The following VIPR2 variants were observed in gnomAD, a reference collection of about 807,000 sequenced individuals.
VIPR2 encodes vasoactive intestinal peptide receptor 2.
VIPR2 carries 48 observed loss-of-function variants against 58.0 expected under a neutral mutation model. The observed-to-expected ratio is 0.83, with a 90% CI of 0.66 to 1.05. The LOEUF is 1.05. VIPR2 is among the 50% of genes least tolerant of loss of function. The pLI is 0.00. For synonymous variants in VIPR2, 243 were observed against 235.2 expected (o/e 1.03, Z -0.30); for missense variants, 534 against 558.0 (o/e 0.96, Z 0.43).
intron 4 of VIPR2, among the ~76,000 whole-genome samples, chr7:159,094,166 C>T (rs1429047529): frequency 2.6e-5 from 4 of 152,216 alleles, no homozygotes; most frequent in Non-Finnish European, 2.9e-5. Flanking sequence ...GCTCCATCCC[C>T]ATGGGAGCCA....
intron 2 of VIPR2, among the ~76,000 whole-genome samples, chr7:159,130,547 G>A (rs1417857002): frequency 6.6e-6 from 1 of 152,008 alleles, no homozygotes; most frequent in Non-Finnish European, 1.5e-5. Context: ...AGCCCACTGA[G>A]GACCATTTCC....
intron 7 of VIPR2, 100 bp downstream of exon 7, chr7:159,036,652 C>T: frequency 7.0e-7 from 1 of 1,432,014 alleles, no homozygotes; most frequent in Non-Finnish European, 9.4e-7. Context: ...GACATGCATT[C>T]TACGGGGGCG....
chr7:159,062,200 A>G (rs1017745544), intron 4 of VIPR2, among the ~76,000 whole-genome samples: 3 of 152,140 alleles, frequency 2.0e-5, no homozygotes, highest in South Asian at 2.1e-4. Context: ...GGACACCCCG[A>G]AGGGTTCAGC....
chr7:159,140,564 A>C (rs1346538446), intron 2 of VIPR2, among the ~76,000 whole-genome samples: 1 of 152,222 alleles, frequency 6.6e-6, no homozygotes, highest in Admixed American at 6.5e-5. Context: ...TCAGATACAG[A>C]TATTTTTCCT....
chr7:159,073,713 C>CT (rs369971413), intron 4 of VIPR2, among the ~76,000 whole-genome samples: 1,764 of 149,514 alleles, frequency 0.012, 36 homozygotes, highest in African/African-American at 0.04. Flanking sequence ...TCAGCCTATC[C>CT]TTTTTTTTTT....
rs2129492684 is a variant in VIPR2 at position 159,031,217 on chromosome 7, G to C, written c.1144-428C>G. ...AGTGAGGGGTGCCCGGACGGCAGAG[G>C]AGGGAGGAGGACAAGTGGCACTACT... On this transcript the variant is annotated intron_variant, in intron 12 of 12. Coordinates refer to ENST00000262178, the MANE Select transcript of VIPR2 (RefSeq NM_003382.5). This position sits in a 1 kb window ranked among gnomAD's most constrained non-coding sequence, Gnocchi z 4.0. 1.3e-5 allele frequency among the ~76,000 whole-genome samples: 2 copies of C among 152,292 alleles called. No homozygotes were observed. Among genetic ancestry groups the C allele is most frequent in the Middle Eastern group, 6.8e-3 (2 of 294 alleles).
chr7:159,031,979 TGGA>T lies in VIPR2; in HGVS notation c.1057_1059del (p.Ser353del), dbSNP rs1326545415. ...CACAGCTCAAACAGTATCTGGTATT[TGGA>T]GGAGATGCTGATGGGAAACACGGCA... On this transcript the variant is annotated inframe_deletion, in exon 11 of 13. Transcript: ENST00000262178. The surrounding 1 kb of genome is among the most constrained non-coding windows in gnomAD (Gnocchi z 4.0). 1.9e-6 allele frequency: 3 copies of T among 1,613,988 alleles called. No individual in the cohort carries two copies. The highest frequency in any genetic ancestry group is 2.7e-5 in the African/African-American group (2 of 74,914).
chr7:159,080,051 GA>G (rs1477007630), intron 4 of VIPR2, among the ~76,000 whole-genome samples: 1 of 152,174 alleles, frequency 6.6e-6, no homozygotes, highest in Non-Finnish European at 1.5e-5. Context: ...AGGAGGAGCT[GA>G]TACCATTCCT....
intron 4 of VIPR2, among the ~76,000 whole-genome samples, chr7:159,091,439 G>A (rs1252497199): frequency 6.6e-6 from 1 of 152,174 alleles, no homozygotes; most frequent in Admixed American, 6.5e-5. Context: ...CTCTGTGAAC[G>A]CTCAATAATT....
chr7:159,030,936 C>T (rs1585316987), intron 12 of VIPR2, 147 bp from the exon 13 acceptor site: 6 of 1,144,888 alleles, frequency 5.2e-6, no homozygotes, highest in Non-Finnish European at 7.1e-6. Flanking sequence ...CAGAAACGGC[C>T]TTGGGGGCAG....
chr7:159,107,510 C>T (rs1224001887), intron 3 of VIPR2, among the ~76,000 whole-genome samples: 1 of 152,222 alleles, frequency 6.6e-6, no homozygotes. Flanking sequence ...GTCTGAAGCA[C>T]CTAATCCTCA....
chr7:159,074,590 A>G (rs1856551884), intron 4 of VIPR2, among the ~76,000 whole-genome samples: 1 of 152,030 alleles, frequency 6.6e-6, no homozygotes, highest in Non-Finnish European at 1.5e-5. Context: ...ATAAATTTCC[A>G]TTTTTCATAA....
chr7:159,044,476 A>G (rs1021971629), intron 5 of VIPR2, among the ~76,000 whole-genome samples: 1 of 152,076 alleles, frequency 6.6e-6, no homozygotes, highest in Non-Finnish European at 1.5e-5. Flanking sequence ...AAATAAAATG[A>G]ATCAACAAAA....
intron 6 of VIPR2, among the ~76,000 whole-genome samples, chr7:159,040,376 C>T (rs1017079598): frequency 1.3e-4 from 20 of 152,256 alleles, no homozygotes; most frequent in Admixed American, 3.9e-4. Context: ...AGTACGCACA[C>T]ATGTGCACGT....
In VIPR2 at chr7:159,099,021, G is replaced by C. The variant is rs1363372219; in HGVS notation, c.357+4736C>G. 1.3e-5 allele frequency among the ~76,000 whole-genome samples: 2 copies of C among 152,226 alleles called. No individual in the cohort carries two copies. The highest frequency in any genetic ancestry group is 2.9e-5 in the Non-Finnish European group (2 of 68,046). ...CTGCCTGGGGCCTGTTCTGGTGCTT[G>C]CAGCCTCCAGAGCCGCCTGTGCTAT... is the stretch of plus-strand genomic sequence containing the variant. On this transcript the variant is annotated intron_variant, in intron 4 of 12. Transcript: ENST00000262178. The surrounding 1 kb of genome is among the most constrained non-coding windows in gnomAD (Gnocchi z 4.2).
chr7:159,123,623 C>CATGT (rs756471327), intron 2 of VIPR2, among the ~76,000 whole-genome samples: 1 of 152,178 alleles, frequency 6.6e-6, no homozygotes, highest in Non-Finnish European at 1.5e-5. Context: ...CATTCATGTG[C>CATGT]ATGTGTCTTT....
chr7:159,049,481 G>A (rs1854854490), intron 5 of VIPR2, among the ~76,000 whole-genome samples: 1 of 152,208 alleles, frequency 6.6e-6, no homozygotes, highest in South Asian at 2.1e-4. Context: ...CGGGCACAGA[G>A]GGTGTTCAGA....
rs765970135 is a variant in VIPR2, at chr7:159,095,338, C to T, written c.357+8419G>A. ...TGTGCAAGTGACTGTGTGCTGCACA[C>T]ACCCAGTGTGAGGGCCGGGCAAATG... On this transcript the variant is annotated intron_variant, in intron 4 of 12. Coordinates refer to ENST00000262178, the MANE Select transcript of VIPR2 (RefSeq NM_003382.5). This position sits in a 1 kb window ranked among gnomAD's most constrained non-coding sequence, Gnocchi z 5.2. Among the ~76,000 whole-genome samples the T allele has an allele frequency of 1.2e-4, 19 of 152,208 alleles. No homozygotes were observed. The highest frequency in any genetic ancestry group is 2.6e-4 in the Non-Finnish European group (18 of 68,038).
chr7:159,062,496 A>T (rs551691748), intron 4 of VIPR2, among the ~76,000 whole-genome samples: 14 of 152,056 alleles, frequency 9.2e-5, no homozygotes, highest in African/African-American at 3.4e-4. Context: ...CTTCACGGTG[A>T]GTGTTACAGC....
Sources: allele counts gnomAD v4.1 joint callset (sites outside exome capture counted in the v4.1 genomes callset), GRCh38; gene constraint gnomAD v4.1.1; non-coding constraint Gnocchi (gnomAD v3.1); transcripts MANE v1.5; gene names NCBI Gene and HGNC (gene_info 2026-07-23, HGNC 2026-07-21).